The following DCLK1 variants were observed in gnomAD, a reference collection of about 807,000 sequenced individuals.
The protein encoded by DCLK1 is serine/threonine-protein kinase DCLK1.
Under a neutral mutation model 86.2 loss-of-function variants are expected in DCLK1, and 16 were observed. The ratio of observed to expected loss-of-function variants is 0.19; its 90% CI spans 0.13 to 0.28. DCLK1 has a LOEUF of 0.28. Among genes scored for constraint, DCLK1 ranks in the 10% least tolerant of loss-of-function variants. DCLK1 has a pLI of 1.00. For synonymous variants in DCLK1, 369 were observed against 370.5 expected, an observed-to-expected ratio of 1.00 and a Z score of 0.05; for missense variants, 590 against 940.2, an observed-to-expected ratio of 0.63 and a Z score of 4.87.
intron 4 of DCLK1, among the ~76,000 whole-genome samples, chr13:35,933,143 G>A (rs1876550641): frequency 6.6e-6 from 1 of 152,198 alleles, no homozygotes; most frequent in African/African-American, 2.4e-5. Context: ...GATCTCCTTT[G>A]ACTTCATGTC....
intron 3 of DCLK1, among the ~76,000 whole-genome samples, chr13:35,997,333 C>T (rs1880518390): frequency 6.6e-6 from 1 of 152,158 alleles, no homozygotes; most frequent in African/African-American, 2.4e-5. Flanking sequence ...ATATGATTAT[C>T]TTTAATTTCT....
chr13:35,898,774 C>T (rs771906277), intron 4 of DCLK1, among the ~76,000 whole-genome samples: 2 of 152,012 alleles, frequency 1.3e-5, no homozygotes, highest in African/African-American at 2.4e-5. Context: ...CAGGGTCCTG[C>T]TCTGTCGCCC....
At position 35,777,628 on chromosome 13, in the gene DCLK1, C is replaced by T. The variant is rs1296119418; in HGVS notation, c.2059-2929G>A. Among the ~76,000 whole-genome samples, 2 of 152,124 alleles carry T rather than the reference C, an allele frequency of 1.3e-5. 1 individual carries two copies. The highest frequency in any genetic ancestry group is 6.3e-3 in the Middle Eastern group (2 of 316). ...TCTTTGTAGAGCAGATAGGATCCAC[C>T]ATGTACACAATCCCGTGTACACATT... On this transcript the variant is annotated intron_variant, in intron 16 of 16. Transcript: ENST00000360631.
chr13:35,932,836 T>C (rs931215162), intron 4 of DCLK1, among the ~76,000 whole-genome samples: 2 of 152,222 alleles, frequency 1.3e-5, no homozygotes, highest in African/African-American at 2.4e-5. Flanking sequence ...CCAAATCTCA[T>C]GTCCTCACAT....
chr13:35,830,644 T>A (rs978648304), intron 8 of DCLK1, among the ~76,000 whole-genome samples: 7 of 152,214 alleles, frequency 4.6e-5, no homozygotes, highest in Non-Finnish European at 7.3e-5. Flanking sequence ...TTGGAATACA[T>A]GAGCAATTTC....
intron 11 of DCLK1, among the ~76,000 whole-genome samples, chr13:35,820,955 A>C (rs186562146): frequency 3.7e-4 from 57 of 152,338 alleles, no homozygotes; most frequent in East Asian, 3.1e-3. Flanking sequence ...TTCAGCGTCA[A>C]CTTCATGAAG....
At chr13:35,934,258 C>T (rs1876629470) in intron 4 of DCLK1, among the ~76,000 whole-genome samples, 1 of 152,210 alleles carries the variant, frequency 6.6e-6, no homozygotes, top group Non-Finnish European at 1.5e-5. Context: ...CCAACCTCTG[C>T]CTGTTACCCA....
chr13:35,855,594 A>T, intron 5 of DCLK1: 1 of 1,561,114 alleles, frequency 6.4e-7, no homozygotes, highest in Non-Finnish European at 8.7e-7. Flanking sequence ...TAAGCCAAGC[A>T]CCCGCGGAAA....
chr13:35,956,840 G>C (rs1878014381), intron 3 of DCLK1, among the ~76,000 whole-genome samples: 1 of 152,154 alleles, frequency 6.6e-6, no homozygotes, highest in East Asian at 1.9e-4. Flanking sequence ...AGGAAGAATT[G>C]TTGTAAATTT....
intron 4 of DCLK1, among the ~76,000 whole-genome samples, chr13:35,928,737 T>C (rs569758678): frequency 5.5e-4 from 84 of 152,212 alleles, no homozygotes; most frequent in Non-Finnish European, 1.1e-3. Flanking sequence ...AGTTGAATCT[T>C]GCCAAATCTA....
At chr13:36,100,644 A>G (rs1885183343) in intron 3 of DCLK1, among the ~76,000 whole-genome samples, 1 of 152,204 alleles carries the variant, frequency 6.6e-6, no homozygotes, top group Non-Finnish European at 1.5e-5. Flanking sequence ...CCCATTCAAA[A>G]AAGGCCCTGT....
chr13:36,006,167 G>C (rs888979994), intron 3 of DCLK1, among the ~76,000 whole-genome samples: 1 of 152,106 alleles, frequency 6.6e-6, no homozygotes, highest in African/African-American at 2.4e-5. Flanking sequence ...ACGTATCCCA[G>C]AACTTAAAAG....
chr13:35,852,195 A>C (rs1870701129), intron 6 of DCLK1, among the ~76,000 whole-genome samples: 1 of 152,238 alleles, frequency 6.6e-6, no homozygotes, highest in Non-Finnish European at 1.5e-5. Context: ...TATTTCCTGC[A>C]TAGGAGTATA....
intron 2 of DCLK1, among the ~76,000 whole-genome samples, chr13:36,121,683 C>T (rs1345076907): frequency 6.6e-6 from 1 of 151,766 alleles, no homozygotes; most frequent in Non-Finnish European, 1.5e-5. Context: ...GCACAGTATA[C>T]ACAGGGTTCA....
chr13:35,886,985 G>A (rs1483127575), intron 4 of DCLK1, among the ~76,000 whole-genome samples: 1 of 152,154 alleles, frequency 6.6e-6, no homozygotes, highest in African/African-American at 2.4e-5. Context: ...TCTCTACTCT[G>A]CTGAGAAAGC....
intron 3 of DCLK1, among the ~76,000 whole-genome samples, chr13:36,047,356 G>A (rs1882952736): frequency 6.6e-6 from 1 of 152,118 alleles, no homozygotes; most frequent in Non-Finnish European, 1.5e-5. Flanking sequence ...GAATCAGTGT[G>A]TCAAAGAGAT....
chr13:36,036,751 G>A (rs747078190), intron 3 of DCLK1, among the ~76,000 whole-genome samples: 1 of 151,928 alleles, frequency 6.6e-6, no homozygotes, highest in Non-Finnish European at 1.5e-5. Context: ...TGAATAATAC[G>A]TTAATTTTGA....
intron 2 of DCLK1, among the ~76,000 whole-genome samples, chr13:36,114,683 T>C (rs1192787925): frequency 2.0e-5 from 3 of 152,268 alleles, no homozygotes; most frequent in South Asian, 4.1e-4. Context: ...ATCATAACAC[T>C]GAACTTCTCT....
At chr13:35,807,900 T>C (rs2087061008) in intron 14 of DCLK1, among the ~76,000 whole-genome samples, 1 of 151,816 alleles carries the variant, frequency 6.6e-6, no homozygotes, top group East Asian at 1.9e-4. Flanking sequence ...CTGAGAGAGG[T>C]GAAACCACAG....
Sources: allele counts gnomAD v4.1 joint callset (sites outside exome capture counted in the v4.1 genomes callset), GRCh38; gene constraint gnomAD v4.1.1; transcripts MANE v1.5; gene names NCBI Gene and HGNC (gene_info 2026-07-23, HGNC 2026-07-21).